Variants in GAS2L3 observed in about 807,000 individuals in gnomAD.
The protein encoded by GAS2L3 is GAS2-like protein 3.
A neutral mutation model predicts 37.0 loss-of-function variants in GAS2L3; 28 were observed. The observed-to-expected ratio is 0.76, with a 90% CI of 0.56 to 1.04. The LOEUF (loss-of-function observed/expected upper bound fraction) is 1.04, where lower values mean the gene tolerates loss of function less well. Ranked by LOEUF, GAS2L3 falls within the 50% of genes least tolerant of loss-of-function variation. The pLI is 0.00. For synonymous variants in GAS2L3, 290 were observed against 296.6 expected, an observed-to-expected ratio of 0.98 and a Z score of 0.23; for missense variants, 793 against 817.6, an observed-to-expected ratio of 0.97 and a Z score of 0.37.
At chr12:100,609,101 A>C (rs1956095036) in intron 5 of GAS2L3, among the ~76,000 whole-genome samples, 1 of 152,150 alleles carries the variant, frequency 6.6e-6, no homozygotes, top group African/African-American at 2.4e-5. Context: ...AATGCTGACC[A>C]AGAGCCTAGG....
chr12:100,578,773 C>T lies in GAS2L3; in HGVS notation c.-152+4988C>T, dbSNP rs528004979. ...CGTATAAAGGAGAAGGTGGGCATGGCCAGCCTCCCTCAGCTACACTGTCTC... is the reference window on the plus strand; with the variant it reads ...CGTATAAAGGAGAAGGTGGGCATGGTCAGCCTCCCTCAGCTACACTGTCTC... On this transcript the variant is annotated intron_variant, in intron 1 of 9. Transcript: ENST00000547754. 6 of 577,702 alleles carry T rather than the reference C, an allele frequency of 1.0e-5. No individual in the cohort carries two copies. The African/African-American group carries it at 1.1e-4, about 11-fold the overall frequency. The allele number at this position is 577,702 out of a possible 1,614,324, so 35.8% of individuals were successfully genotyped here.
chr12:100,612,286 T>C, intron 6 of GAS2L3, 145 bp downstream of exon 6: 1 of 665,152 alleles, frequency 1.5e-6, no homozygotes, highest in Non-Finnish European at 2.6e-6. Context: ...ATATGTAGAA[T>C]TATTGGAGAA....
intron 6 of GAS2L3, among the ~76,000 whole-genome samples, chr12:100,617,413 T>C (rs1956201027): frequency 6.6e-6 from 1 of 152,206 alleles, no homozygotes; most frequent in Non-Finnish European, 1.5e-5. Flanking sequence ...TAAAATAAAA[T>C]TGCGGTACTA....
chr12:100,585,335 A>C (rs1295608639), intron 1 of GAS2L3, among the ~76,000 whole-genome samples: 2 of 151,284 alleles, frequency 1.3e-5, no homozygotes, highest in Non-Finnish European at 2.9e-5. Flanking sequence ...GGCTCACTGC[A>C]ACCTGTGCCT....
At position 100,607,592 on chromosome 12, in the gene GAS2L3, T is replaced by G. The variant is rs551464224; in HGVS notation, c.304-4408T>G. ...CCTTTTGAGGCTATTTTCTAGATCC[T>G]TTAGGTGTGCTTCGTTGTTTTTTAT... On this transcript the variant is annotated intron_variant, in intron 5 of 9. Transcript: ENST00000547754. Among the ~76,000 whole-genome samples, 6 of 152,200 alleles carry G rather than the reference T, an allele frequency of 3.9e-5. No homozygotes were observed. In the East Asian group the frequency reaches 1.2e-3, roughly 29 times the overall value.
intron 8 of GAS2L3, among the ~76,000 whole-genome samples, chr12:100,621,635 A>T: frequency 6.6e-6 from 1 of 152,010 alleles, no homozygotes; most frequent in East Asian, 1.9e-4. Flanking sequence ...AATAAATTTG[A>T]TCAAATCTAG....
At chr12:100,606,979 G>C (rs1487731492) in intron 5 of GAS2L3, among the ~76,000 whole-genome samples, 1 of 152,046 alleles carries the variant, frequency 6.6e-6, no homozygotes, top group Non-Finnish European at 1.5e-5. Flanking sequence ...TGTACCTTCA[G>C]ATGATTTCTT....
chr12:100,577,494 A>C (rs1236437600), intron 1 of GAS2L3, among the ~76,000 whole-genome samples: 1 of 152,208 alleles, frequency 6.6e-6, no homozygotes, highest in Non-Finnish European at 1.5e-5. Context: ...CAAATAAAAA[A>C]AGATTCTCAA....
Position 100,594,857 on chromosome 12 carries a change from A to T in GAS2L3, c.-30-18A>T. On this transcript the variant is annotated intron_variant, in intron 2 of 9. Coordinates refer to ENST00000547754, the MANE Select transcript of GAS2L3 (RefSeq NM_174942.3). ...CTGCCACTGTTAACTGTATGTTAATATTTTGTTCTTTTTTCAGAAAAGAAA... is the reference window on the plus strand; with the variant it reads ...CTGCCACTGTTAACTGTATGTTAATTTTTTGTTCTTTTTTCAGAAAAGAAA... The T allele has an allele frequency of 9.7e-7, 1 of 1,035,446 alleles. No homozygotes were observed. Among genetic ancestry groups the T allele is most frequent in the Middle Eastern group, 2.2e-4 (1 of 4,468 alleles). The allele number at this position is 1,035,446 out of a possible 1,614,324, so 64.1% of individuals were successfully genotyped here.
intron 1 of GAS2L3, among the ~76,000 whole-genome samples, 159 bp from the exon 2 acceptor site, chr12:100,591,577 T>C (rs1449391881): frequency 6.6e-6 from 1 of 152,206 alleles, no homozygotes; most frequent in African/African-American, 2.4e-5. Context: ...ATCTCTTTAA[T>C]TGGATAAATT....
intron 1 of GAS2L3, among the ~76,000 whole-genome samples, chr12:100,576,917 G>C (rs1483723516): frequency 6.6e-6 from 1 of 152,174 alleles, no homozygotes; most frequent in African/African-American, 2.4e-5. Flanking sequence ...TCATGTGCTG[G>C]ATATTGCTGA....
intron 8 of GAS2L3, 154 bp downstream of exon 8, chr12:100,618,741 A>G (rs1369704718): frequency 3.4e-6 from 2 of 592,734 alleles, no homozygotes; most frequent in African/African-American, 1.9e-5. Context: ...TGATGAATTC[A>G]GGGCATTATA....
intron 1 of GAS2L3, chr12:100,580,262 C>A (rs1955694299): frequency 6.5e-6 from 3 of 463,412 alleles, no homozygotes; most frequent in African/African-American, 2.0e-5. Flanking sequence ...TGGAAAATAA[C>A]CTGCTTTTTG....
intron 3 of GAS2L3, among the ~76,000 whole-genome samples, chr12:100,595,615 T>A (rs1955902543): frequency 6.6e-6 from 1 of 152,018 alleles, no homozygotes; most frequent in Non-Finnish European, 1.5e-5. Flanking sequence ...AGCAAGCAAC[T>A]GATAATAAAA....
intron 5 of GAS2L3, among the ~76,000 whole-genome samples, chr12:100,602,620 C>T (rs1956005838): frequency 6.6e-6 from 1 of 152,000 alleles, no homozygotes; most frequent in African/African-American, 2.4e-5. Flanking sequence ...TTCCCTCAAG[C>T]ATTTATTCTT....
rs188646283 is a variant in GAS2L3 at position 100,579,306 on chromosome 12, G to A, written c.-152+5521G>A. On this transcript the variant is annotated intron_variant, in intron 1 of 9. Transcript: ENST00000547754. ...CGTATCATTTGCGTTTCTTATACTA[G>A]TAAGGAAAATACCGTACTACGAGCG... 1.6e-4 allele frequency: 105 copies of A among 642,718 alleles called. No homozygotes were observed. In the South Asian group the frequency reaches 1.8e-3, roughly 11 times the overall value. 39.8% of individuals were successfully genotyped at this position (642,718 alleles called of 1,614,324 possible).
At chr12:100,603,126 T>C in intron 5 of GAS2L3, among the ~76,000 whole-genome samples, 1 of 152,172 alleles carries the variant, frequency 6.6e-6, no homozygotes, top group South Asian at 2.1e-4. Flanking sequence ...ATAGTCTCTT[T>C]AATATACTGA....
rs778249100 is a variant in GAS2L3, at chr12:100,623,810, G to T, written c.1005G>T (p.Val335=). 9 of 1,614,020 alleles carry T rather than the reference G, an allele frequency of 5.6e-6. No homozygotes were observed. In the Admixed American group the frequency reaches 1.5e-4, roughly 27 times the overall value. ...AGAAACAAAATTCAAAACCCAGCGTGCCAGTTAGTATTCCAAAAAGCAAAG... is the reference window on the plus strand; with the variant it reads ...AGAAACAAAATTCAAAACCCAGCGTTCCAGTTAGTATTCCAAAAAGCAAAG... ...MFQKQNSKPS[V]PVSIPKSKEK... is the part of the protein sequence containing the mutation. The change falls in exon 10 of 10, where the codon GTG becomes GTT. Residue 335 remains valine (V), a synonymous_variant. Transcript: ENST00000547754.
intron 5 of GAS2L3, among the ~76,000 whole-genome samples, chr12:100,609,548 T>G (rs1418268440): frequency 2.0e-5 from 3 of 152,136 alleles, no homozygotes; most frequent in Non-Finnish European, 4.4e-5. Context: ...CTGGTTGATG[T>G]CTCAGTAGGT....
Sources: gnomAD v4.1 joint callset for allele counts (sites outside exome capture counted in the v4.1 genomes callset) on GRCh38, gnomAD v4.1.1 for gene constraint, MANE v1.5 for transcripts, NCBI Gene and HGNC (gene_info 2026-07-23, HGNC 2026-07-21) for gene names.